THSD7B: variants seen among roughly 807,000 people sequenced by gnomAD.
THSD7B encodes thrombospondin type 1 domain containing 7B.
In THSD7B, 138 loss-of-function variants were observed where a neutral mutation model predicts 213.6. That is an observed-to-expected ratio of 0.65 (90% confidence interval 0.56 to 0.74). The LOEUF (loss-of-function observed/expected upper bound fraction) is 0.74. Among genes scored for constraint, THSD7B ranks in the 30% least tolerant of loss-of-function variants. The pLI, the probability that THSD7B is intolerant of heterozygous loss-of-function variation, is 0.00. For synonymous variants in THSD7B, 742 were observed against 687.0 expected, an observed-to-expected ratio of 1.08 and a Z score of -1.25; for missense variants, 1,931 against 1,991.5, an observed-to-expected ratio of 0.97 and a Z score of 0.58.
At chr2:137,215,678 C>T (rs1400854052) in intron 7 of THSD7B, among the ~76,000 whole-genome samples, 1 of 152,160 alleles carries the variant, frequency 6.6e-6, no homozygotes, top group Non-Finnish European at 1.5e-5. Flanking sequence ...TCCAGAGACA[C>T]ATTTTGCAAG....
intron 2 of THSD7B, among the ~76,000 whole-genome samples, chr2:136,930,408 G>T (rs1684607037): frequency 6.6e-6 from 1 of 152,202 alleles, no homozygotes; most frequent in Admixed American, 6.5e-5. Context: ...CGAAGGAATA[G>T]TAGCAGATAA....
chr2:136,791,740 TGTCTACTAATATTCCATTGTATG>T, intron 1 of THSD7B, among the ~76,000 whole-genome samples: 1 of 152,244 alleles, frequency 6.6e-6, no homozygotes, highest in Admixed American at 6.6e-5. Flanking sequence ...TTCTTTTTAT[TGTCTACTAATATTCCATTGTATG>T]GATACACCAC....
intron 15 of THSD7B, among the ~76,000 whole-genome samples, chr2:137,542,973 C>T (rs1680636559): frequency 6.6e-6 from 1 of 151,700 alleles, no homozygotes; most frequent in Non-Finnish European, 1.5e-5. Context: ...TCTTATAGTT[C>T]TAGAGGTGAA....
intron 21 of THSD7B, among the ~76,000 whole-genome samples, chr2:137,655,274 A>G (rs1683213134): frequency 6.6e-6 from 1 of 152,198 alleles, no homozygotes; most frequent in African/African-American, 2.4e-5. Context: ...TCATATTCTA[A>G]GTACATAGGT....
chr2:137,199,653 T>G (rs182132777), intron 7 of THSD7B, among the ~76,000 whole-genome samples: 1 of 152,292 alleles, frequency 6.6e-6, no homozygotes, highest in Non-Finnish European at 1.5e-5. Context: ...TATGTGGTGA[T>G]GAATATCACT....
chr2:137,275,546 T>G (rs1188079305), intron 11 of THSD7B, among the ~76,000 whole-genome samples: 1 of 151,842 alleles, frequency 6.6e-6, no homozygotes, highest in African/African-American at 2.4e-5. Context: ...TTGTTTTTTT[T>G]TTTTTGGAAA....
intron 15 of THSD7B, among the ~76,000 whole-genome samples, chr2:137,555,186 A>G (rs1680931647): frequency 6.6e-6 from 1 of 152,182 alleles, no homozygotes; most frequent in Non-Finnish European, 1.5e-5. Flanking sequence ...GACAGCTTTG[A>G]AGAGAGTAGT....
intron 12 of THSD7B, among the ~76,000 whole-genome samples, chr2:137,357,515 T>C (rs573074020): frequency 1.3e-5 from 2 of 152,292 alleles, no homozygotes; most frequent in East Asian, 3.9e-4. Context: ...AGCAAAATGT[T>C]GGACCCCCGA....
chr2:137,123,598 G>T (rs188680341), intron 5 of THSD7B, among the ~76,000 whole-genome samples: 59 of 152,254 alleles, frequency 3.9e-4, no homozygotes, highest in Admixed American at 3.1e-3. Flanking sequence ...CTCATTGTAG[G>T]TTTTGCCTTC....
At chr2:137,160,111 C>T in intron 5 of THSD7B, 102 bp from the exon 6 acceptor site, 1 of 1,295,080 alleles carries the variant, frequency 7.7e-7, no homozygotes, top group Middle Eastern at 2.0e-4. Context: ...TTCTTTTTAA[C>T]TATAATGTTT....
chr2:137,253,430 T>C, intron 10 of THSD7B, among the ~76,000 whole-genome samples: 1 of 152,232 alleles, frequency 6.6e-6, no homozygotes, highest in African/African-American at 2.4e-5. Flanking sequence ...CCAGGCTATG[T>C]TACCATAAAT....
chr2:137,500,089 G>T (rs1408193445), intron 15 of THSD7B, among the ~76,000 whole-genome samples: 1 of 152,116 alleles, frequency 6.6e-6, no homozygotes, highest in Non-Finnish European at 1.5e-5. Flanking sequence ...TATACATGGA[G>T]TTCAGACAAC....
rs1382689423 is a variant in THSD7B, at chr2:137,006,406, A to G, written c.140-50014A>G. Among the ~76,000 whole-genome samples the G allele has an allele frequency of 8.0e-5, 11 of 137,098 alleles. No individual in the cohort carries two copies. The East Asian group carries it at 2.1e-3, about 26-fold the overall frequency. The allele number at this position is 137,098 out of a possible 152,430, so 89.9% of individuals were successfully genotyped here. A position where few individuals can be genotyped will look rare whatever the true frequency, so the allele number is the denominator to read the frequency against. On this transcript the variant is annotated intron_variant, in intron 2 of 27. Transcript: ENST00000409968. ...TGAGACTCCGTCTCAAGAAATACATACATACATACATACATACATACATAC... is the reference window on the plus strand; with the variant it reads ...TGAGACTCCGTCTCAAGAAATACATGCATACATACATACATACATACATAC...
chr2:136,919,839 C>G (rs569801324), intron 2 of THSD7B, among the ~76,000 whole-genome samples: 1 of 152,310 alleles, frequency 6.6e-6, no homozygotes, highest in African/African-American at 2.4e-5. Flanking sequence ...GCTGGGCATG[C>G]CGGCTGTGGC....
At chr2:136,883,664 G>A (rs1683664362) in intron 2 of THSD7B, among the ~76,000 whole-genome samples, 1 of 152,160 alleles carries the variant, frequency 6.6e-6, no homozygotes, top group Non-Finnish European at 1.5e-5. Flanking sequence ...CGAATGAGAT[G>A]TGTTAAGAAA....
chr2:137,539,807 T>C (rs992129452), intron 15 of THSD7B, among the ~76,000 whole-genome samples: 1 of 151,708 alleles, frequency 6.6e-6, no homozygotes, highest in African/African-American at 2.4e-5. Flanking sequence ...TCACCCAAAA[T>C]GTTACATTGT....
In THSD7B at chr2:137,218,336, T is replaced by C. The variant is rs531307763; in HGVS notation, c.1724-12708T>C. ...ATTTGACAATGATATAAAGTGATGTTTGGATTTTTGAAACATTTGCTTAAG... is the reference window on the plus strand; with the variant it reads ...ATTTGACAATGATATAAAGTGATGTCTGGATTTTTGAAACATTTGCTTAAG... On this transcript the variant is annotated intron_variant, in intron 7 of 27. Coordinates refer to ENST00000409968, the MANE Select transcript of THSD7B (RefSeq NM_001316349.2). 4.3e-4 allele frequency among the ~76,000 whole-genome samples: 66 copies of C among 152,254 alleles called. 1 individual carries two copies. Among genetic ancestry groups the C allele is most frequent in the African/African-American group, 1.5e-3 (62 of 41,580 alleles).
intron 14 of THSD7B, among the ~76,000 whole-genome samples, chr2:137,422,280 A>G (rs1248934937): frequency 2.2e-4 from 34 of 152,370 alleles, no homozygotes; most frequent in Middle Eastern, 3.4e-3. Context: ...GAACAACATT[A>G]TATAAAATTA....
chr2:137,518,629 T>C (rs888491138), intron 15 of THSD7B, among the ~76,000 whole-genome samples: 2 of 152,196 alleles, frequency 1.3e-5, no homozygotes, highest in Non-Finnish European at 2.9e-5. Context: ...ATTTAAATAA[T>C]CAAGTGGATA....
Sources: gnomAD v4.1 joint callset for allele counts (sites outside exome capture counted in the v4.1 genomes callset) on GRCh38, gnomAD v4.1.1 for gene constraint, MANE v1.5 for transcripts, NCBI Gene and HGNC (gene_info 2026-07-23, HGNC 2026-07-21) for gene names.